Variants in GON4L observed in about 807,000 individuals in gnomAD.
The protein encoded by GON4L is gon-4 like.
GON4L carries 87 observed loss-of-function variants against 211.8 expected under a neutral mutation model. The ratio of observed to expected loss-of-function variants is 0.41; its 90% CI spans 0.35 to 0.49. The LOEUF is 0.49. GON4L is among the 20% of genes least tolerant of loss of function. The pLI is 0.15. For synonymous variants in GON4L, 875 were observed against 962.6 expected, an observed-to-expected ratio of 0.91 and a Z score of 1.68; for missense variants, 2,155 against 2,659.5, an observed-to-expected ratio of 0.81 and a Z score of 4.17.
At chr1:155,846,342 G>A (rs1671237606) in intron 2 of GON4L, 1 of 152,392 alleles carries the variant, frequency 6.6e-6, no homozygotes, top group Admixed American at 6.6e-5. Context: ...CTAACACAGT[G>A]AAACCCCGTC....
At chr1:155,799,660 T>C (rs1015038921) in intron 11 of GON4L, among the ~76,000 whole-genome samples, 2 of 152,180 alleles carry the variant, frequency 1.3e-5, no homozygotes, top group African/African-American at 4.8e-5. Context: ...GTATCTTTAA[T>C]AAACATCACC....
chr1:155,781,939 T>C (rs1664467132), intron 14 of GON4L, among the ~76,000 whole-genome samples: 1 of 152,044 alleles, frequency 6.6e-6, no homozygotes, highest in South Asian at 2.1e-4. Flanking sequence ...GTATTTTTAG[T>C]AGAGATGGGG....
intron 2 of GON4L, among the ~76,000 whole-genome samples, chr1:155,844,924 A>C (rs2102440440): frequency 6.6e-6 from 1 of 152,292 alleles, no homozygotes; most frequent in South Asian, 2.1e-4. Flanking sequence ...TTTCCATGTG[A>C]AGATAATGCT....
At chr1:155,808,049 T>A (rs12024187) in intron 10 of GON4L, among the ~76,000 whole-genome samples, 45,784 of 151,706 alleles carry the variant, frequency 0.3, 7,446 homozygotes, top group East Asian at 0.7. Flanking sequence ...TTATTTTTTT[T>A]TTTTTTTGAG....
chr1:155,835,385 T>C (rs1001340961), intron 2 of GON4L, among the ~76,000 whole-genome samples: 2 of 151,756 alleles, frequency 1.3e-5, no homozygotes, highest in African/African-American at 4.8e-5. Context: ...CACTTGTTTA[T>C]CTGCTGACCT....
At chr1:155,771,515 G>A (rs1011495298) in intron 18 of GON4L, among the ~76,000 whole-genome samples, 5 of 151,934 alleles carry the variant, frequency 3.3e-5, no homozygotes, top group Admixed American at 2.0e-4. Flanking sequence ...TCTGTTGCCC[G>A]GGTTGGAGAG....
intron 2 of GON4L, among the ~76,000 whole-genome samples, chr1:155,837,168 C>T (rs1224990559): frequency 2.5e-5 from 2 of 80,128 alleles, no homozygotes; most frequent in Admixed American, 1.7e-4. Flanking sequence ...TTCTTTTCTG[C>T]AACAGGTCTC....
At position 155,784,049 on chromosome 1, in the gene GON4L, C is replaced by T; in HGVS notation, c.1829G>A (p.Gly610Asp). 1 of 1,614,076 alleles carries T rather than the reference C, an allele frequency of 6.2e-7. No individual in the cohort carries two copies. ...AGCTACACACTCCTCCTCTTCTGGG[C>T]CATCATCTTCCATGTTGGAGAATCC... ...EMGFSNMEDD[G>D]PEEEECVAEP... The change falls in exon 14 of 32, where the codon GGC becomes GAC. Residue 610 changes from glycine to aspartate, a missense_variant. Physicochemically the swap from Gly to Asp is moderately conservative, Grantham distance 94. Coordinates refer to ENST00000368331, the MANE Select transcript of GON4L (RefSeq NM_001282860.2).
intron 27 of GON4L, chr1:155,756,652 T>C (rs1455412141): frequency 3.4e-6 from 1 of 294,384 alleles, no homozygotes; most frequent in African/African-American, 2.2e-5. Context: ...AGGCCAGGCG[T>C]AGTGGCTCAC....
At position 155,765,234 on chromosome 1, in the gene GON4L, A is replaced by G; in HGVS notation, c.4239T>C (p.Asn1413=). 6.2e-7 allele frequency: 1 copy of G among 1,614,198 alleles called. No individual in the cohort carries two copies. The highest frequency in any genetic ancestry group is 8.5e-7 in the Non-Finnish European group (1 of 1,180,036). The change falls in exon 21 of 32, where the codon AAT becomes AAC. Residue 1413 remains asparagine (N), a synonymous_variant. Coordinates refer to ENST00000368331, the MANE Select transcript of GON4L (RefSeq NM_001282860.2). The part of the protein sequence containing the change: ...GTDVNKGSSK[N]ALSSMDPEVR... The stretch of plus-strand genomic sequence containing the variant: ...CTTCAGGATCCATTGAGGACAAAGC[A>G]TTCTTTGATGATCCTTTGTTCACAT...
At chr1:155,798,348 C>T (rs1666282406) in intron 11 of GON4L, among the ~76,000 whole-genome samples, 1 of 149,010 alleles carries the variant, frequency 6.7e-6, no homozygotes, top group Non-Finnish European at 1.5e-5. Flanking sequence ...GAATAGAATA[C>T]TGTCTTCATA....
chr1:155,771,294 A>G, intron 18 of GON4L, 77 bp from the exon 19 acceptor site: 1 of 1,589,764 alleles, frequency 6.3e-7, no homozygotes, highest in African/African-American at 1.3e-5. Context: ...AACACATTTT[A>G]CAATCTACTC....
At chr1:155,828,948 T>A (rs1037691497) in intron 2 of GON4L, among the ~76,000 whole-genome samples, 1 of 151,534 alleles carries the variant, frequency 6.6e-6, no homozygotes, top group Non-Finnish European at 1.5e-5. Flanking sequence ...GGAGCAAGAG[T>A]ACAAAGTGAA....
intron 31 of GON4L, 121 bp downstream of exon 31, chr1:155,751,646 T>G (rs1434024051): frequency 5.7e-6 from 4 of 703,194 alleles, no homozygotes; most frequent in East Asian, 2.7e-5. Context: ...TTTCCTTAGA[T>G]CAAACCTTTA....
chr1:155,751,338 G>A (rs1160839938), intron 31 of GON4L, among the ~76,000 whole-genome samples: 1 of 152,032 alleles, frequency 6.6e-6, no homozygotes, highest in Non-Finnish European at 1.5e-5. Context: ...CTGAGGTCAG[G>A]AGTTCAAGAC....
intron 12 of GON4L, among the ~76,000 whole-genome samples, chr1:155,788,785 A>G (rs1665209430): frequency 6.6e-6 from 1 of 152,142 alleles, no homozygotes; most frequent in South Asian, 2.1e-4. Flanking sequence ...ACTGGCAAAC[A>G]TAACCTGTGA....
At chr1:155,831,055 T>C (rs1373511042) in intron 2 of GON4L, among the ~76,000 whole-genome samples, 1 of 152,126 alleles carries the variant, frequency 6.6e-6, no homozygotes, top group Non-Finnish European at 1.5e-5. Flanking sequence ...TCCCAGCACT[T>C]TGGGAGGCTG....
chr1:155,759,656 C>T (rs919500787), intron 24 of GON4L, among the ~76,000 whole-genome samples: 1 of 151,594 alleles, frequency 6.6e-6, no homozygotes, highest in African/African-American at 2.4e-5. Context: ...GGGCATCACA[C>T]ATTATATGCA....
At chr1:155,768,193 C>T (rs1662750144) in intron 19 of GON4L, among the ~76,000 whole-genome samples, 1 of 151,752 alleles carries the variant, frequency 6.6e-6, no homozygotes, top group South Asian at 2.1e-4. Context: ...ATCCCAGCTA[C>T]TCAGCGGGCT....
Sources: gnomAD v4.1 joint callset for allele counts (sites outside exome capture counted in the v4.1 genomes callset) on GRCh38, gnomAD v4.1.1 for gene constraint, MANE v1.5 for transcripts, NCBI Gene and HGNC (gene_info 2026-07-23, HGNC 2026-07-21) for gene names.